Variants in ABRACL observed in about 807,000 individuals in gnomAD.
The protein encoded by ABRACL is costars family protein ABRACL.
A neutral mutation model predicts 7.0 loss-of-function variants in ABRACL; 4 were observed. That is an observed-to-expected ratio of 0.57 (90% CI 0.28 to 1.30). The LOEUF (loss-of-function observed/expected upper bound fraction) is 1.30, where lower values mean the gene tolerates loss of function less well. Ranked by LOEUF, ABRACL falls within the 50% of genes most tolerant of loss-of-function variation. The probability of loss-of-function intolerance (pLI) is 0.10; values close to 1 mark genes in which losing one functional copy is unlikely to be tolerated. For synonymous variants in ABRACL, 30 were observed against 36.0 expected (o/e 0.83, Z 0.60); for missense variants, 104 against 97.3 (o/e 1.07, Z -0.29).
rs140502114 is a variant in ABRACL, at chr6:139,031,788, C to T, written c.-6-2367C>T. Among the ~76,000 whole-genome samples, 14 of 152,178 alleles carry T rather than the reference C, an allele frequency of 9.2e-5. No individual in the cohort carries two copies. The East Asian group carries it at 2.7e-3, about 29-fold the overall frequency. On this transcript the variant is annotated intron_variant, in intron 1 of 2. Transcript: ENST00000367660. Reference sequence around the variant, plus strand: ...CATGCCTCAAACCAATCATTCTGGCCCTGAACTGCTTCTGGGCCCAGGGTA... The same window carrying T: ...CATGCCTCAAACCAATCATTCTGGCTCTGAACTGCTTCTGGGCCCAGGGTA...
chr6:139,041,493 A>ATATG lies in ABRACL; in HGVS notation c.62-1225_62-1224insATGT, dbSNP rs71932479. Among the ~76,000 whole-genome samples the ATATG allele has an allele frequency of 5.5e-3, 671 of 122,436 alleles. 7 individuals carry two copies. The highest frequency in any genetic ancestry group is 0.015 in the African/African-American group (494 of 32,016). 80.3% of individuals were successfully genotyped at this position (122,436 alleles called of 152,430 possible). On this transcript the variant is annotated intron_variant, in intron 2 of 2. Coordinates refer to ENST00000367660, the MANE Select transcript of ABRACL (RefSeq NM_021243.3). The stretch of plus-strand genomic sequence containing the variant: ...TATTTCTATATTTCTATATATATAT[A>ATATG]TGTGTGTGTGTGTGTGTGTGTATAT...
At chr6:139,037,777 CTTT>C (rs35731074) in intron 2 of ABRACL, among the ~76,000 whole-genome samples, 2 of 136,156 alleles carry the variant, frequency 1.5e-5, no homozygotes, top group Non-Finnish European at 1.6e-5. Context: ...TTCTTTTTCT[CTTT>C]TTTTTTTTTT....
In ABRACL at chr6:139,038,153, T is replaced by C. The variant is rs563145600; in HGVS notation, c.61+3932T>C. ...GATTTGTAGGATTTTCTTTTCTTTA[T>C]CCATATCAGCCTAGTGTTTATTGGT... On this transcript the variant is annotated intron_variant, in intron 2 of 2. Transcript: ENST00000367660. 2.0e-5 allele frequency among the ~76,000 whole-genome samples: 3 copies of C among 152,308 alleles called. No individual in the cohort carries two copies. The South Asian group carries it at 6.2e-4, about 32-fold the overall frequency.
chr6:139,039,317 A>G (rs56247015), intron 2 of ABRACL, among the ~76,000 whole-genome samples: 61,433 of 152,054 alleles, frequency 0.4, 13,963 homozygotes, highest in East Asian at 0.91. Context: ...ATATAAAATA[A>G]TGATGCTTCT....
chr6:139,030,020 C>T (rs1339147764), intron 1 of ABRACL, among the ~76,000 whole-genome samples: 1 of 151,892 alleles, frequency 6.6e-6, no homozygotes, highest in African/African-American at 2.4e-5. Context: ...AAGCCGAAAT[C>T]GATTCTGCGA....
chr6:139,035,742 C>G (rs1786145455), intron 2 of ABRACL, among the ~76,000 whole-genome samples: 1 of 150,690 alleles, frequency 6.6e-6, no homozygotes, highest in Non-Finnish European at 1.5e-5. Context: ...CTCGGCCTCC[C>G]AAAATGCTAG....
intron 2 of ABRACL, among the ~76,000 whole-genome samples, chr6:139,041,773 C>T (rs1786257250): frequency 6.6e-6 from 1 of 151,956 alleles, no homozygotes; most frequent in Non-Finnish European, 1.5e-5. Context: ...GAAGTCATTG[C>T]TTTGAAAGCT....
intron 1 of ABRACL, among the ~76,000 whole-genome samples, chr6:139,032,503 A>G (rs182590591): frequency 6.6e-6 from 1 of 152,356 alleles, no homozygotes; most frequent in Non-Finnish European, 1.5e-5. Flanking sequence ...CGCACAAGCA[A>G]CAGAGCAGAT....
rs941021278 is a variant in ABRACL, at chr6:139,042,761, G to A, written c.104G>A (p.Arg35His). 27 of 1,613,112 alleles carry A rather than the reference G, an allele frequency of 1.7e-5. No individual in the cohort carries two copies. The highest frequency in any genetic ancestry group is 8.9e-5 in the East Asian group (4 of 44,862). The stretch of plus-strand genomic sequence containing the variant: ...AGCGTGAAATTTGGGGTCCTCTTCC[G>A]TGATGATAAATGTGCCAACCTCTTT... ...KLSVKFGVLFRDDKCANLFEA... is the reference protein window; with the variant it reads ...KLSVKFGVLFHDDKCANLFEA... Residue 35 changes from arginine (R) to histidine (H), a missense_variant, in exon 3 of 3, where the codon CGT becomes CAT. By Grantham distance (29) the Arg-to-His change is conservative. Transcript: ENST00000367660.
chr6:139,030,518 A>AT (rs1381745657), intron 1 of ABRACL, among the ~76,000 whole-genome samples: 2 of 152,222 alleles, frequency 1.3e-5, no homozygotes, highest in East Asian at 3.9e-4. Context: ...CACAATAGGT[A>AT]TTTTTCCCCC....
In ABRACL at chr6:139,042,808, A is replaced by C; in HGVS notation, c.151A>C (p.Lys51Gln). Residue 51 changes from lysine to glutamine, a missense_variant, in exon 3 of 3, where the codon AAA (lysine) becomes CAA (glutamine). Coordinates refer to ENST00000367660, the MANE Select transcript of ABRACL (RefSeq NM_021243.3). ...CTTTGAAGCATTGGTAGGAACTCTT[A>C]AAGCTGCAAAACGAAGGAAGATTGT... The part of the protein sequence containing the change: ...NLFEALVGTL[K>Q]AAKRRKIVTY... The C allele has an allele frequency of 1.9e-6, 3 of 1,614,100 alleles. No individual in the cohort carries two copies. The highest frequency in any genetic ancestry group is 2.5e-6 in the Non-Finnish European group (3 of 1,179,984).
chr6:139,032,130 T>C lies in ABRACL; in HGVS notation c.-6-2025T>C, dbSNP rs541020453. ...CGCCCGCCACCACGCCCGGCTAATT[T>C]TTTTTTTGTATTTTTAGTAGAGACG... On this transcript the variant is annotated intron_variant, in intron 1 of 2. Transcript: ENST00000367660. Among the ~76,000 whole-genome samples the C allele has an allele frequency of 4.8e-3, 733 of 152,006 alleles. 5 individuals carry two copies. The highest frequency in any genetic ancestry group is 7.6e-3 in the Non-Finnish European group (518 of 67,948).
At chr6:139,033,372 C>T (rs894755130) in intron 1 of ABRACL, among the ~76,000 whole-genome samples, 13 of 152,374 alleles carry the variant, frequency 8.5e-5, no homozygotes, top group African/African-American at 2.2e-4. Flanking sequence ...ATCGGATTTA[C>T]TGGGCACTGC....
rs1409149004 is a variant in ABRACL, at chr6:139,042,965, G to A, written c.*62G>A. The A allele has an allele frequency of 2.2e-6, 3 of 1,361,818 alleles. No homozygotes were observed. In the African/African-American group the frequency reaches 4.4e-5, roughly 20 times the overall value. 84.4% of individuals were successfully genotyped at this position (1,361,818 alleles called of 1,614,324 possible). A position where few individuals can be genotyped will look rare whatever the true frequency, so the allele number is the denominator to read the frequency against. ...TTTCTGGTAAACTGGAATATAAAGT[G>A]AAAGAACAAACATTTGAACATACTT... On this transcript the variant is annotated 3_prime_UTR_variant, in exon 3 of 3. Transcript: ENST00000367660.
intron 1 of ABRACL, among the ~76,000 whole-genome samples, chr6:139,032,821 C>T (rs1284511503): frequency 6.6e-6 from 1 of 152,220 alleles, no homozygotes; most frequent in African/African-American, 2.4e-5. Flanking sequence ...TCCAATCCCT[C>T]TCATGCCTTT....
At chr6:139,037,071 A>G (rs4896421) in intron 2 of ABRACL, among the ~76,000 whole-genome samples, 62,811 of 151,678 alleles carry the variant, frequency 0.41, 14,400 homozygotes, top group East Asian at 0.91. Flanking sequence ...CTGACATGCA[A>G]TATGGTCCCT....
intron 2 of ABRACL, among the ~76,000 whole-genome samples, chr6:139,036,743 G>C (rs1180475566): frequency 6.6e-6 from 1 of 152,134 alleles, no homozygotes; most frequent in African/African-American, 2.4e-5. Flanking sequence ...TAGCACATCA[G>C]GGGGCCAAGG....
intron 2 of ABRACL, among the ~76,000 whole-genome samples, chr6:139,041,394 G>T (rs1786241177): frequency 6.9e-6 from 1 of 144,518 alleles, no homozygotes; most frequent in Admixed American, 6.9e-5. Context: ...TTCCTGAGTA[G>T]CTGGGATCAC....
At chr6:139,033,101 G>A (rs1450437081) in intron 1 of ABRACL, among the ~76,000 whole-genome samples, 1 of 152,218 alleles carries the variant, frequency 6.6e-6, no homozygotes, top group Non-Finnish European at 1.5e-5. Flanking sequence ...ATTAGCTCCT[G>A]GAAGGAGGAA....
Sources: gnomAD v4.1 joint callset for allele counts (sites outside exome capture counted in the v4.1 genomes callset) on GRCh38, gnomAD v4.1.1 for gene constraint, MANE v1.5 for transcripts, NCBI Gene and HGNC (gene_info 2026-07-23, HGNC 2026-07-21) for gene names.